The following PPM1G variants were observed in gnomAD, a reference collection of about 807,000 sequenced individuals.
The protein encoded by PPM1G is protein phosphatase 1G.
Under a neutral mutation model 59.4 loss-of-function variants are expected in PPM1G, and 12 were observed. The observed-to-expected ratio is 0.20, with a 90% CI of 0.13 to 0.33. PPM1G has a LOEUF of 0.33. PPM1G is among the 10% of genes least tolerant of loss of function. PPM1G has a pLI of 1.00. For synonymous variants in PPM1G, 245 were observed against 251.9 expected (o/e 0.97, Z 0.26); for missense variants, 392 against 681.3 (o/e 0.58, Z 4.73).
intron 1 of PPM1G, among the ~76,000 whole-genome samples, chr2:27,406,966 CTTTT>C (rs201901048): frequency 2.9e-5 from 4 of 137,328 alleles, no homozygotes; most frequent in Non-Finnish European, 3.2e-5. Flanking sequence ...TTTATTTATT[CTTTT>C]TTTTTTTTTT....
intron 1 of PPM1G, 117 bp from the exon 2 acceptor site, chr2:27,387,275 T>G: frequency 7.4e-6 from 5 of 679,810 alleles, no homozygotes; most frequent in South Asian, 1.9e-5. Context: ...GGCCTAGAAA[T>G]AAGAAAGGAA....
intron 1 of PPM1G, among the ~76,000 whole-genome samples, chr2:27,396,264 T>A (rs1684052042): frequency 6.6e-6 from 1 of 152,110 alleles, no homozygotes. Flanking sequence ...AGAGCAGGAC[T>A]CCGTCTCAAA....
chr2:27,393,122 G>A, intron 1 of PPM1G: 1 of 1,331,046 alleles, frequency 7.5e-7, no homozygotes, highest in Non-Finnish European at 1.1e-6. Context: ...TATCCTGAAG[G>A]AAGATTCGGC....
chr2:27,389,500 G>C (rs1158554439), intron 1 of PPM1G, among the ~76,000 whole-genome samples: 3 of 151,890 alleles, frequency 2.0e-5, no homozygotes, highest in Non-Finnish European at 1.5e-5. Context: ...CCCTTTACAT[G>C]TCTGCTCATA....
Position 27,390,812 on chromosome 2 carries a change from AC to A in PPM1G, c.121-3655del, listed in dbSNP as rs1683882387. On this transcript the variant is annotated intron_variant, in intron 1 of 9. Transcript: ENST00000344034. ...TTTTCAGCTGTTCCTCTGCCACACA[AC>A]CCCCACCCCCACCCTGCCGCACCAC... Among the ~76,000 whole-genome samples, 3 of 150,376 alleles carry A rather than the reference AC, an allele frequency of 2.0e-5. No individual in the cohort carries two copies. In the South Asian group the frequency reaches 6.4e-4, roughly 32 times the overall value.
intron 1 of PPM1G, among the ~76,000 whole-genome samples, chr2:27,407,658 G>A (rs184523020): frequency 6.6e-6 from 1 of 152,290 alleles, no homozygotes; most frequent in East Asian, 1.9e-4. Flanking sequence ...TGACATAGAT[G>A]ATTAACAATG....
rs992831895 is a variant in PPM1G, at chr2:27,388,850, G to C, written c.121-1692C>G. On this transcript the variant is annotated intron_variant, in intron 1 of 9. Coordinates refer to ENST00000344034, the MANE Select transcript of PPM1G (RefSeq NM_177983.3). ...AGATTGCGCCACTGCACTCCAGCCA[G>C]GGCGACAGAGCAAGACTCCGTCTCA... Among the ~76,000 whole-genome samples, 3 of 146,566 alleles carry C rather than the reference G, an allele frequency of 2.0e-5. No homozygotes were observed. The Admixed American group carries it at 2.1e-4, about 10-fold the overall frequency.
chr2:27,381,817 A>C lies in PPM1G; in HGVS notation c.1435-12T>G. On this transcript the variant is annotated splice_polypyrimidine_tract_variant and intron_variant, in intron 9 of 9. Transcript: ENST00000344034. ...CACTGATCCAGCAGCTAAGAAAGGGATGGGGGTAGCTCAGCCACAGGGTTT... is the reference window on the plus strand; with the variant it reads ...CACTGATCCAGCAGCTAAGAAAGGGCTGGGGGTAGCTCAGCCACAGGGTTT... The C allele has an allele frequency of 6.2e-7, 1 of 1,611,596 alleles. No individual in the cohort carries two copies. The highest frequency in any genetic ancestry group is 8.5e-7 in the Non-Finnish European group (1 of 1,179,474).
rs962258831 is a variant in PPM1G at position 27,400,974 on chromosome 2, G to C, written c.120+8329C>G. ...AGCAGGTGGTAAAAGCCACAGAAAA[G>C]TCTAAAAACCAAAAGTGGAGATCAA... On this transcript the variant is annotated intron_variant, in intron 1 of 9. Transcript: ENST00000344034. 2.6e-5 allele frequency among the ~76,000 whole-genome samples: 4 copies of C among 152,328 alleles called. No individual in the cohort carries two copies. The South Asian group carries it at 8.3e-4, about 32-fold the overall frequency.
At chr2:27,405,097 G>A (rs1310993272) in intron 1 of PPM1G, among the ~76,000 whole-genome samples, 3 of 117,170 alleles carry the variant, frequency 2.6e-5, no homozygotes, top group African/African-American at 9.9e-5. Context: ...TTTTTAAGAT[G>A]GAGTCTCACC....
intron 1 of PPM1G, among the ~76,000 whole-genome samples, chr2:27,394,760 AAAAAG>A (rs1400743107): frequency 6.6e-6 from 1 of 151,420 alleles, no homozygotes; most frequent in African/African-American, 2.4e-5. Flanking sequence ...AAAAAAAAAA[AAAAAG>A]ATATTCTTGC....
rs986704769 is a variant in PPM1G at position 27,383,323 on chromosome 2, A to T, written c.1201+43T>A. ...TTTGCTACTAGGTAGTCTGGGACAG[A>T]GAGAAAGACCCTAGAAGTCTTTCCC... is the stretch of plus-strand genomic sequence containing the variant. On this transcript the variant is annotated intron_variant, in intron 7 of 9. Coordinates refer to ENST00000344034, the MANE Select transcript of PPM1G (RefSeq NM_177983.3). This position sits in a 1 kb window ranked among gnomAD's most constrained non-coding sequence, Gnocchi z 5.0. 1.9e-6 allele frequency: 3 copies of T among 1,568,756 alleles called. No homozygotes were observed. The highest frequency in any genetic ancestry group is 8.8e-7 in the Non-Finnish European group (1 of 1,140,234).
intron 1 of PPM1G, among the ~76,000 whole-genome samples, chr2:27,389,812 A>T (rs557348907): frequency 1.3e-5 from 2 of 152,190 alleles, no homozygotes; most frequent in East Asian, 3.9e-4. Flanking sequence ...AAAAAATTTT[A>T]AAGTTAGCCA....
At position 27,393,241 on chromosome 2, in the gene PPM1G, C is replaced by CA. The variant is rs1421969071; in HGVS notation, c.121-6084dup. ...TTCTTCAAAGCCACATCATCGCTGT[C>CA]AAAGTAGTAAGCCACGCACAGGTAA... On this transcript the variant is annotated intron_variant, in intron 1 of 9. Coordinates refer to ENST00000344034, the MANE Select transcript of PPM1G (RefSeq NM_177983.3). 4.7e-5 allele frequency: 74 copies of CA among 1,578,918 alleles called. No individual in the cohort carries two copies. The East Asian group carries it at 1.6e-3, about 34-fold the overall frequency.
rs757146493 is a variant in PPM1G, at chr2:27,383,845, C to A, written c.966+107G>T. 3.4e-6 allele frequency: 5 copies of A among 1,472,734 alleles called. 1 individual carries two copies. The South Asian group carries it at 6.7e-5, about 20-fold the overall frequency. 91.2% of individuals were successfully genotyped at this position (1,472,734 alleles called of 1,614,324 possible). A position where few individuals can be genotyped will look rare whatever the true frequency, so the allele number is the denominator to read the frequency against. ...GCAGAATAAATCCCCATGACTATTA[C>A]TTCCATCCTAAAGTATCAGGGGGAT... On this transcript the variant is annotated intron_variant, in intron 6 of 9. Transcript: ENST00000344034. This position sits in a 1 kb window ranked among gnomAD's most constrained non-coding sequence, Gnocchi z 5.0.
chr2:27,404,373 C>T (rs915221270), intron 1 of PPM1G, among the ~76,000 whole-genome samples: 2 of 151,378 alleles, frequency 1.3e-5, no homozygotes, highest in South Asian at 4.2e-4. Context: ...ATAGTGAAAT[C>T]CTGTCTCCAC....
intron 1 of PPM1G, among the ~76,000 whole-genome samples, chr2:27,399,709 T>C (rs1309666174): frequency 1.3e-5 from 2 of 152,156 alleles, no homozygotes; most frequent in Non-Finnish European, 2.9e-5. Context: ...CACCCACCAT[T>C]AGTTATTATA....
intron 1 of PPM1G, among the ~76,000 whole-genome samples, chr2:27,402,763 C>A (rs936939324): frequency 6.7e-6 from 1 of 150,274 alleles, no homozygotes; most frequent in African/African-American, 2.4e-5. Flanking sequence ...GCTGAGACCG[C>A]GCAACTGCAC....
intron 1 of PPM1G, among the ~76,000 whole-genome samples, chr2:27,393,628 A>C (rs563446068): frequency 1.3e-5 from 2 of 152,308 alleles, no homozygotes; most frequent in African/African-American, 4.8e-5. Flanking sequence ...CTCTGTCGCC[A>C]GGCTGGAGTG....
Sources: allele counts gnomAD v4.1 joint callset (sites outside exome capture counted in the v4.1 genomes callset), GRCh38; gene constraint gnomAD v4.1.1; non-coding constraint Gnocchi (gnomAD v3.1); transcripts MANE v1.5; gene names NCBI Gene and HGNC (gene_info 2026-07-23, HGNC 2026-07-21).